Variants in CNTN4 observed in about 807,000 individuals in gnomAD.
The protein encoded by CNTN4 is contactin-4.
Under a neutral mutation model 122.5 loss-of-function variants are expected in CNTN4, and 77 were observed. The observed-to-expected ratio is 0.63, with a 90% CI of 0.52 to 0.76. The LOEUF (loss-of-function observed/expected upper bound fraction) is 0.76. Ranked by LOEUF, CNTN4 falls within the 30% of genes least tolerant of loss-of-function variation. The pLI, the probability that CNTN4 is intolerant of heterozygous loss-of-function variation, is 0.00. For synonymous variants in CNTN4, 512 were observed against 447.0 expected, an observed-to-expected ratio of 1.15 and a Z score of -1.83; for missense variants, 1,256 against 1,259.1, an observed-to-expected ratio of 1.00 and a Z score of 0.04.
At chr3:2,159,999 G>T (rs527434843) in intron 2 of CNTN4, among the ~76,000 whole-genome samples, 2 of 151,698 alleles carry the variant, frequency 1.3e-5, no homozygotes, top group Admixed American at 6.6e-5. Flanking sequence ...TCTTTGCTTT[G>T]TGTTTCCTCT....
intron 6 of CNTN4, among the ~76,000 whole-genome samples, chr3:2,801,065 A>G (rs140096243): frequency 5.9e-4 from 90 of 152,216 alleles, no homozygotes; most frequent in African/African-American, 2.1e-3. Flanking sequence ...TTAACTTTTT[A>G]TCATGGTATT....
At chr3:2,528,140 G>T (rs996201884) in intron 3 of CNTN4, among the ~76,000 whole-genome samples, 15 of 152,206 alleles carry the variant, frequency 9.9e-5, no homozygotes, top group African/African-American at 3.6e-4. Context: ...TGAATTGGTT[G>T]CATCTTGTTC....
At chr3:2,808,600 C>T (rs909471918) in intron 6 of CNTN4, among the ~76,000 whole-genome samples, 4 of 151,952 alleles carry the variant, frequency 2.6e-5, no homozygotes, top group Admixed American at 6.6e-5. Context: ...AAATAATAGG[C>T]CCATGCAATT....
At position 2,177,134 on chromosome 3, in the gene CNTN4, A is replaced by G. The variant is rs146390316; in HGVS notation, c.-145+76495A>G. On this transcript the variant is annotated intron_variant, in intron 2 of 24. Coordinates refer to ENST00000418658, the MANE Select transcript of CNTN4 (RefSeq NM_175607.3). ...ATAATACTAGACCGTGTATCCATTA[A>G]GGAATCATGAAAACAAAAGTTTAAA... Among the ~76,000 whole-genome samples the G allele has an allele frequency of 4.3e-3, 654 of 152,250 alleles. 4 individuals are homozygous for G. The highest frequency in any genetic ancestry group is 0.015 in the African/African-American group (626 of 41,566).
Position 3,056,655 on chromosome 3 carries a change from T to G in CNTN4, c.*435T>G, listed in dbSNP as rs114255038. On this transcript the variant is annotated 3_prime_UTR_variant, in exon 25 of 25. Coordinates refer to ENST00000418658, the MANE Select transcript of CNTN4 (RefSeq NM_175607.3). The stretch of plus-strand genomic sequence containing the variant: ...AGAGTTTGAAACTCATCTTGGTAAA[T>G]AAATTGCAAATTACTCGTACAGTTT... 283 of 159,618 alleles carry G rather than the reference T, an allele frequency of 1.8e-3. No homozygotes were observed. Among genetic ancestry groups the G allele is most frequent in the Middle Eastern group, 6.7e-3 (2 of 300 alleles). 9.9% of individuals were successfully genotyped at this position (159,618 alleles called of 1,614,324 possible).
chr3:2,506,852 A>T (rs888320021), intron 3 of CNTN4, among the ~76,000 whole-genome samples: 1 of 151,874 alleles, frequency 6.6e-6, no homozygotes, highest in Non-Finnish European at 1.5e-5. Context: ...TTTTTTTTGT[A>T]GTGATACTTG....
chr3:2,207,976 A>C (rs982052699), intron 2 of CNTN4, among the ~76,000 whole-genome samples: 11 of 152,244 alleles, frequency 7.2e-5, no homozygotes, highest in Non-Finnish European at 1.3e-4. Context: ...TCCACAATGC[A>C]CTTGGTCACC....
chr3:2,146,625 C>T (rs1002450463), intron 2 of CNTN4, among the ~76,000 whole-genome samples: 9 of 152,198 alleles, frequency 5.9e-5, no homozygotes, highest in Middle Eastern at 3.4e-3. Context: ...GATTTCATAA[C>T]TCCCTAATGG....
At chr3:2,518,077 G>A (rs186756489) in intron 3 of CNTN4, among the ~76,000 whole-genome samples, 1 of 152,280 alleles carries the variant, frequency 6.6e-6, no homozygotes, top group East Asian at 1.9e-4. Context: ...AACCTCTCTT[G>A]TAGTATTATA....
intron 2 of CNTN4, among the ~76,000 whole-genome samples, chr3:2,116,007 C>A (rs952108457): frequency 2.6e-5 from 4 of 152,138 alleles, no homozygotes; most frequent in African/African-American, 7.2e-5. Context: ...TTAAATCTTT[C>A]TCGAAGGTGC....
intron 6 of CNTN4, among the ~76,000 whole-genome samples, chr3:2,814,894 T>C (rs555788244): frequency 1.3e-5 from 2 of 152,182 alleles, no homozygotes; most frequent in Non-Finnish European, 2.9e-5. Flanking sequence ...CTTGGCCACA[T>C]GGTATGACTG....
intron 2 of CNTN4, among the ~76,000 whole-genome samples, chr3:2,198,518 CA>C (rs1184033087): frequency 1.3e-5 from 2 of 152,158 alleles, no homozygotes; most frequent in African/African-American, 2.4e-5. Context: ...ATCAGAATGT[CA>C]AAATGCTTGT....
At chr3:2,131,581 G>A (rs1397495978) in intron 2 of CNTN4, among the ~76,000 whole-genome samples, 1 of 152,198 alleles carries the variant, frequency 6.6e-6, no homozygotes, top group Non-Finnish European at 1.5e-5. Context: ...TGATGGAGCA[G>A]TGTTCCTAAA....
At chr3:2,682,399 C>G (rs951615445) in intron 4 of CNTN4, among the ~76,000 whole-genome samples, 4 of 152,012 alleles carry the variant, frequency 2.6e-5, no homozygotes, top group Admixed American at 2.6e-4. Context: ...TGTCAGAGAC[C>G]CCTTTAGTCA....
intron 4 of CNTN4, among the ~76,000 whole-genome samples, chr3:2,731,802 T>C (rs1481024884): frequency 6.6e-6 from 1 of 152,196 alleles, no homozygotes; most frequent in African/African-American, 2.4e-5. Flanking sequence ...ATGGTAGTGG[T>C]TACAGTATAA....
intron 2 of CNTN4, among the ~76,000 whole-genome samples, chr3:2,337,567 A>T (rs1334940426): frequency 1.3e-5 from 2 of 152,158 alleles, no homozygotes; most frequent in Admixed American, 1.3e-4. Context: ...GGATTATATC[A>T]ATTAAAGAAT....
intron 2 of CNTN4, among the ~76,000 whole-genome samples, chr3:2,232,384 A>G (rs1262421169): frequency 6.6e-6 from 1 of 152,168 alleles, no homozygotes; most frequent in Admixed American, 6.5e-5. Context: ...GTTGTATAGC[A>G]TACTCCAAAT....
chr3:2,571,358 A>G, intron 3 of CNTN4, 58 bp from the exon 4 acceptor site: 1 of 695,416 alleles, frequency 1.4e-6, no homozygotes, highest in Non-Finnish European at 2.6e-6. Flanking sequence ...ATAAACTTGC[A>G]GAGACCACAA....
chr3:2,419,317 T>A (rs1334320348), intron 3 of CNTN4, among the ~76,000 whole-genome samples: 2 of 152,280 alleles, frequency 1.3e-5, no homozygotes, highest in East Asian at 3.9e-4. Context: ...TATTAAGACT[T>A]TATAGTTTTT....
Sources: allele counts gnomAD v4.1 joint callset (sites outside exome capture counted in the v4.1 genomes callset), GRCh38; gene constraint gnomAD v4.1.1; transcripts MANE v1.5; gene names NCBI Gene and HGNC (gene_info 2026-07-23, HGNC 2026-07-21).